KLHL2: variants seen among roughly 807,000 people sequenced by gnomAD.
The protein encoded by KLHL2 is kelch like family member 2.
A neutral mutation model predicts 75.8 loss-of-function variants in KLHL2; 15 were observed. The observed-to-expected ratio is 0.20, with a 90% CI of 0.13 to 0.30. The LOEUF (loss-of-function observed/expected upper bound fraction) is 0.30. Ranked by LOEUF, KLHL2 falls within the 10% of genes least tolerant of loss-of-function variation. The pLI, the probability that KLHL2 is intolerant of heterozygous loss-of-function variation, is 1.00. For missense variants in KLHL2, 381 were observed against 741.0 expected (o/e 0.51, Z 5.64); for synonymous variants, 214 against 251.9 (o/e 0.85, Z 1.42).
chr4:165,299,171 GCTTA>G (rs964867187), intron 7 of KLHL2, among the ~76,000 whole-genome samples: 1 of 151,860 alleles, frequency 6.6e-6, no homozygotes, highest in Non-Finnish European at 1.5e-5. Flanking sequence ...TTCTTGTTTT[GCTTA>G]CTTTTTGTCT....
At chr4:165,303,203 GCA>G (rs1397173955) in intron 8 of KLHL2, among the ~76,000 whole-genome samples, 1 of 152,118 alleles carries the variant, frequency 6.6e-6, no homozygotes, top group Non-Finnish European at 1.5e-5. Context: ...GTATGTAATA[GCA>G]CAGTTTTCCT....
chr4:165,240,490 A>G (rs1008652531), intron 4 of KLHL2: 15 of 152,054 alleles, frequency 9.9e-5, no homozygotes, highest in Admixed American at 1.3e-4. Flanking sequence ...AACCTTGGTC[A>G]ATATTGGGGT....
intron 2 of KLHL2, among the ~76,000 whole-genome samples, chr4:165,226,937 A>G (rs1197654062): frequency 6.6e-6 from 1 of 152,134 alleles, no homozygotes; most frequent in Non-Finnish European, 1.5e-5. Flanking sequence ...ATAATACCTT[A>G]TAACATTGTG....
chr4:165,291,101 T>C (rs1744471899), intron 5 of KLHL2, among the ~76,000 whole-genome samples: 1 of 152,258 alleles, frequency 6.6e-6, no homozygotes, highest in Non-Finnish European at 1.5e-5. Flanking sequence ...CATCTTTCCA[T>C]GTGCTTATTT....
At chr4:165,277,748 AACACACACACACACACACACAC>A (rs56079802) in intron 5 of KLHL2, 9 of 534,358 alleles carry the variant, frequency 1.7e-5, no homozygotes, top group South Asian at 4.5e-5. Context: ...GGATGTTAAA[AACACACACACACACACACACAC>A]ACACACACAC....
At chr4:165,297,565 C>G in intron 6 of KLHL2, 44 bp from the exon 7 acceptor site, 1 of 1,159,790 alleles carries the variant, frequency 8.6e-7, no homozygotes, top group South Asian at 1.2e-5. Context: ...TGCCTTGATA[C>G]ACAACTCATT....
intron 6 of KLHL2, among the ~76,000 whole-genome samples, chr4:165,295,000 G>A (rs1387701544): frequency 2.6e-5 from 4 of 152,036 alleles, no homozygotes; most frequent in Admixed American, 1.3e-4. Context: ...CTGCCAGTCC[G>A]TTCAGCCTGC....
intron 9 of KLHL2, among the ~76,000 whole-genome samples, chr4:165,309,588 C>G (rs1745995014): frequency 6.6e-6 from 1 of 152,138 alleles, no homozygotes; most frequent in Admixed American, 6.5e-5. Flanking sequence ...GCAAAACCAG[C>G]CATATGTAAA....
chr4:165,246,011 A>G (rs1228671981), intron 4 of KLHL2, among the ~76,000 whole-genome samples: 7 of 152,168 alleles, frequency 4.6e-5, no homozygotes, highest in Non-Finnish European at 1.0e-4. Context: ...CCTGTCTTGA[A>G]AGGCTTTACA....
chr4:165,264,740 G>A (rs34165145), intron 5 of KLHL2, among the ~76,000 whole-genome samples: 25,373 of 73,492 alleles, frequency 0.35, 5,596 homozygotes, highest in South Asian at 0.58. Context: ...ATATATATAT[G>A]TATATATATA....
intron 4 of KLHL2, among the ~76,000 whole-genome samples, chr4:165,260,663 T>C (rs1741595498): frequency 6.6e-6 from 1 of 152,192 alleles, no homozygotes; most frequent in Non-Finnish European, 1.5e-5. Context: ...TCTCATTTAT[T>C]AGTTTCCTCT....
In KLHL2 at chr4:165,279,643, C is replaced by G. The variant is rs1431520202; in HGVS notation, c.545-14716C>G. 1.9e-6 allele frequency: 3 copies of G among 1,611,106 alleles called. No homozygotes were observed. In the African/African-American group the frequency reaches 4.0e-5, roughly 22 times the overall value. ...CCAAAACTGCCTTCTTTGAGGCTGC[C>G]ATGAAACCAGCTTCAGGTCCGCCCG... On this transcript the variant is annotated intron_variant, in intron 5 of 14. Transcript: ENST00000226725.
intron 10 of KLHL2, 104 bp downstream of exon 10, chr4:165,310,854 TG>T (rs906287608): frequency 9.6e-5 from 82 of 855,264 alleles, no homozygotes; most frequent in African/African-American, 3.2e-4. Flanking sequence ...AGGTTTTTTG[TG>T]TTTTTTTTTT....
intron 5 of KLHL2, among the ~76,000 whole-genome samples, chr4:165,264,719 T>A (rs1272083058): frequency 2.6e-5 from 2 of 78,244 alleles, no homozygotes; most frequent in South Asian, 4.9e-4. Context: ...TATATATATA[T>A]ACATATATAT....
chr4:165,237,830 T>G (rs1330887971), intron 3 of KLHL2, among the ~76,000 whole-genome samples: 1 of 152,034 alleles, frequency 6.6e-6, no homozygotes, highest in Admixed American at 6.6e-5. Context: ...GGACTGTCCT[T>G]TTAGTTTTTA....
chr4:165,317,160 T>C (rs1169488919), intron 13 of KLHL2, among the ~76,000 whole-genome samples: 3 of 151,976 alleles, frequency 2.0e-5, no homozygotes, highest in Admixed American at 1.3e-4. Flanking sequence ...TACCTTCTAC[T>C]AACATATATT....
At chr4:165,271,372 G>T (rs1742680349) in intron 5 of KLHL2, among the ~76,000 whole-genome samples, 2 of 152,172 alleles carry the variant, frequency 1.3e-5, no homozygotes, top group South Asian at 4.1e-4. Flanking sequence ...CACCTCCTTG[G>T]TTAAATATAT....
At chr4:165,227,846 A>G (rs1032270023) in intron 2 of KLHL2, among the ~76,000 whole-genome samples, 1 of 152,128 alleles carries the variant, frequency 6.6e-6, no homozygotes, top group African/African-American at 2.4e-5. Context: ...ATGTTTTAAA[A>G]TTAGAGATAT....
At position 165,248,338 on chromosome 4, in the gene KLHL2, ACT is replaced by A. The variant is rs972092548; in HGVS notation, c.381+9442_381+9443del. 5.9e-5 allele frequency among the ~76,000 whole-genome samples: 9 copies of A among 152,274 alleles called. No homozygotes were observed. The South Asian group carries it at 1.5e-3, about 25-fold the overall frequency. On this transcript the variant is annotated intron_variant, in intron 4 of 14. Coordinates refer to ENST00000226725, the MANE Select transcript of KLHL2 (RefSeq NM_007246.4). Reference sequence around the variant, plus strand: ...GTGTTTGAGTTAGCATGATGACAACACTCTGGGGTGATTGTAGTACCATACTA... The same window carrying A: ...GTGTTTGAGTTAGCATGATGACAACACTGGGGTGATTGTAGTACCATACTA...
Sources: gnomAD v4.1 joint callset for allele counts (sites outside exome capture counted in the v4.1 genomes callset) on GRCh38, gnomAD v4.1.1 for gene constraint, MANE v1.5 for transcripts, NCBI Gene and HGNC (gene_info 2026-07-23, HGNC 2026-07-21) for gene names.